Variants in FXYD1 observed in about 807,000 individuals in gnomAD.
FXYD1 encodes phospholemman.
Under a neutral mutation model 17.2 loss-of-function variants are expected in FXYD1, and 9 were observed. That is an observed-to-expected ratio of 0.52 (90% CI 0.32 to 0.91). The LOEUF (loss-of-function observed/expected upper bound fraction) is 0.91. Among genes scored for constraint, FXYD1 ranks in the 40% least tolerant of loss-of-function variants. FXYD1 has a pLI of 0.04. For synonymous variants in FXYD1, 55 were observed against 45.8 expected (o/e 1.20, Z -0.81); for missense variants, 113 against 120.6 (o/e 0.94, Z 0.29).
At chr19:35,140,472 G>A (rs990993285) in intron 2 of FXYD1, 125 bp from the exon 3 acceptor site, 2 of 848,748 alleles carry the variant, frequency 2.4e-6, no homozygotes, top group African/African-American at 3.3e-5. Flanking sequence ...CAGAGAGTGT[G>A]GGCAGCCTGC....
Position 35,140,619 on chromosome 19 carries a change from G to C in FXYD1, c.84G>C (p.Pro28=), listed in dbSNP as rs758472074. Residue 28 remains proline, a synonymous_variant, in exon 3 of 8, where the codon CCG becomes CCC. Transcript: ENST00000351325. ...AKAESPKEHD[P]FTYDYQSLQI... ...CAGAAAGTCCAAAGGAACACGACCC[G>C]TTCACTTACGGTGAGCGGGGGGTCT... 2.5e-6 allele frequency: 4 copies of C among 1,613,332 alleles called. No individual in the cohort carries two copies. The African/African-American group carries it at 5.3e-5, about 22-fold the overall frequency.
In FXYD1 at chr19:35,140,122, C is replaced by G. The variant is rs1191261201; in HGVS notation, c.43C>G (p.Leu15Val). The change falls in exon 2 of 8, where the codon CTC (leucine) becomes GTC (valine). Residue 15 changes from leucine (L) to valine (V), a missense_variant. By Grantham distance (32) the Leu-to-Val change is conservative. Transcript: ENST00000351325. ...CATCTTGGTTTTCTGTGTGGGTCTC[C>G]TCACCATGGCCAAGGCAGGTGAGTG... The part of the protein sequence containing the change: ...GHILVFCVGL[L>V]TMAKAESPKE... 6.3e-7 allele frequency: 1 copy of G among 1,595,054 alleles called. No individual in the cohort carries two copies. Among genetic ancestry groups the G allele is most frequent in the Non-Finnish European group, 8.6e-7 (1 of 1,162,724 alleles).
intron 6 of FXYD1, 62 bp downstream of exon 6, chr19:35,142,583 C>T (rs2065267055): frequency 6.4e-7 from 1 of 1,563,430 alleles, no homozygotes; most frequent in Admixed American, 1.7e-5. Context: ...CCGCTTTTCC[C>T]GGCCCTCCCT....
intron 4 of FXYD1, 70 bp from the exon 5 acceptor site, chr19:35,141,466 T>G: frequency 2.3e-6 from 3 of 1,297,546 alleles, no homozygotes; most frequent in Non-Finnish European, 3.3e-6. Context: ...GAGGGCGAGC[T>G]GGAGCTACAG....
chr19:35,141,665 C>G (rs2065258094), intron 5 of FXYD1, 93 bp downstream of exon 5: 1 of 1,009,466 alleles, frequency 9.9e-7, no homozygotes, highest in Non-Finnish European at 1.5e-6. Context: ...CAGCCCGATC[C>G]CCGTCAGCGA....
chr19:35,138,103 A>G (rs938420234), upstream of FXYD1: 1 of 152,250 alleles, frequency 6.6e-6, no homozygotes, highest in Non-Finnish European at 1.5e-5. Flanking sequence ...GTGGCCATCC[A>G]TCTACATGAG....
rs2065265905 is a variant in FXYD1 at position 35,142,490 on chromosome 19, A to G, written c.225A>G (p.Glu75=). The stretch of plus-strand genomic sequence containing the variant: ...TTCCCAGGACTGGGGAACCCGATGA[A>G]GAGGAGGGAACTTTCCGCAGCTCCA... The part of the protein sequence containing the change: ...NQQQRTGEPD[E]EEGTFRSSIR... The change falls in exon 6 of 8, where the codon GAA becomes GAG. Residue 75 remains glutamate, a synonymous_variant. Transcript: ENST00000351325. 7 of 1,612,632 alleles carry G rather than the reference A, an allele frequency of 4.3e-6. No homozygotes were observed. Among genetic ancestry groups the G allele is most frequent in the Non-Finnish European group, 5.9e-6 (7 of 1,179,064 alleles).
chr19:35,142,402 C>T (rs1441174851), intron 5 of FXYD1, 70 bp from the exon 6 acceptor site: 1 of 1,195,094 alleles, frequency 8.4e-7, no homozygotes, highest in East Asian at 2.4e-5. Flanking sequence ...GAGGCTTGTA[C>T]TGGGGGGTTC....
upstream of FXYD1, chr19:35,138,555 G>T (rs1277743874): frequency 6.6e-6 from 1 of 152,210 alleles, no homozygotes; most frequent in East Asian, 1.9e-4. Flanking sequence ...TCTTGGAGGC[G>T]TGTGTGTTTG....
At position 35,141,540 on chromosome 19, in the gene FXYD1, A is replaced by C. The variant is rs768488920; in HGVS notation, c.174A>C (p.Arg58Ser). 8.1e-6 allele frequency: 13 copies of C among 1,610,008 alleles called. No individual in the cohort carries two copies. The change falls in exon 5 of 8, where the codon AGA becomes AGC. Residue 58 changes from arginine (R) to serine (S), a missense_variant. Coordinates refer to ENST00000351325, the MANE Select transcript of FXYD1 (RefSeq NM_021902.4). Reference sequence around the variant, plus strand: ...CCTACCTCTCCACGCCCACAGGCAGAAGATGCCGGTGCAAGTTCAACCAGC... The same window carrying C: ...CCTACCTCTCCACGCCCACAGGCAGCAGATGCCGGTGCAAGTTCAACCAGC... ...FILGILIVLS[R>S]RCRCKFNQQQ...
upstream of FXYD1, chr19:35,137,514 T>C (rs1411808295): frequency 6.6e-6 from 1 of 152,388 alleles, no homozygotes. Context: ...GTGTTTCTGC[T>C]TGTGTATCTG....
intron 2 of FXYD1, 79 bp downstream of exon 2, chr19:35,140,219 C>T (rs942773876): frequency 1.1e-5 from 9 of 851,840 alleles, no homozygotes; most frequent in African/African-American, 1.7e-5. Context: ...AGTTGGAGAC[C>T]CCAACCTAGA....
intron 7 of FXYD1, 52 bp downstream of exon 7, chr19:35,142,823 C>A (rs2065270070): frequency 2.1e-6 from 3 of 1,410,446 alleles, no homozygotes; most frequent in East Asian, 2.3e-5. Flanking sequence ...GAAGGAAAGG[C>A]GGGAGAGGGA....
At chr19:35,142,296 C>G in intron 5 of FXYD1, 176 bp from the exon 6 acceptor site, 1 of 582,208 alleles carries the variant, frequency 1.7e-6, no homozygotes, top group Non-Finnish European at 3.0e-6. Context: ...AGCCCCCTGC[C>G]AGCACATAAG....
chr19:35,138,712 C>G (rs2065223624), upstream of FXYD1: 1 of 152,302 alleles, frequency 6.6e-6, no homozygotes, highest in Non-Finnish European at 1.5e-5. Context: ...CCCCTGGCCC[C>G]CCTCCAGCCC....
At position 35,140,065 on chromosome 19, in the gene FXYD1, G is replaced by A; in HGVS notation, c.-4-11G>A. Reference sequence around the variant, plus strand: ...GGGCACACACTGCCTAATCCGTGGTGTCCCCCCCAGGACAATGGCGTCTCT... The same window carrying A: ...GGGCACACACTGCCTAATCCGTGGTATCCCCCCCAGGACAATGGCGTCTCT... On this transcript the variant is annotated splice_polypyrimidine_tract_variant and intron_variant, in intron 1 of 7. Transcript: ENST00000351325. 6.2e-7 allele frequency: 1 copy of A among 1,611,918 alleles called. No homozygotes were observed. The highest frequency in any genetic ancestry group is 1.1e-5 in the South Asian group (1 of 91,042).
At chr19:35,142,236 A>C (rs2065263232) in intron 5 of FXYD1, 1 of 444,284 alleles carries the variant, frequency 2.3e-6, no homozygotes, top group African/African-American at 2.1e-5. Flanking sequence ...CACCAACTTC[A>C]CATCCCTGCC....
At chr19:35,138,367 T>TGCGC (rs558402722), upstream of FXYD1, 1 of 151,552 alleles carries the variant, frequency 6.6e-6, no homozygotes, top group African/African-American at 2.4e-5. Flanking sequence ...ATAGCGCACA[T>TGCGC]GCGCGCGCAC....
Position 35,140,178 on chromosome 19 carries a change from C to G in FXYD1, c.61+38C>G, listed in dbSNP as rs763033238. 1.4e-5 allele frequency: 17 copies of G among 1,194,512 alleles called. 1 individual carries two copies. In the South Asian group the frequency reaches 2.1e-4, roughly 14 times the overall value. 74.0% of individuals were successfully genotyped at this position (1,194,512 alleles called of 1,614,324 possible). On this transcript the variant is annotated intron_variant, in intron 2 of 7. Coordinates refer to ENST00000351325, the MANE Select transcript of FXYD1 (RefSeq NM_021902.4). ...GAGGCTGCCCGCTACCCACCTCAGC[C>G]CCAGGGGTGGCGGTGGGGACCGAAG...
Sources: gnomAD v4.1 joint callset for allele counts on GRCh38, gnomAD v4.1.1 for gene constraint, MANE v1.5 for transcripts, NCBI Gene and HGNC (gene_info 2026-07-23, HGNC 2026-07-21) for gene names.